EHBP1: variants seen among roughly 807,000 people sequenced by gnomAD.
The protein encoded by EHBP1 is EH domain binding protein 1.
EHBP1 carries 55 observed loss-of-function variants against 144.0 expected under a neutral mutation model. The observed-to-expected ratio is 0.38, with a 90% CI of 0.31 to 0.48. The LOEUF (loss-of-function observed/expected upper bound fraction) is 0.48. Among genes scored for constraint, EHBP1 ranks in the 20% least tolerant of loss-of-function variants. The pLI, the probability that EHBP1 is intolerant of heterozygous loss-of-function variation, is 0.98. For missense variants in EHBP1, 1,200 were observed against 1,364.2 expected, an observed-to-expected ratio of 0.88 and a Z score of 1.90; for synonymous variants, 469 against 472.7, an observed-to-expected ratio of 0.99 and a Z score of 0.10.
chr2:62,815,594 C>G (rs1212968715), intron 5 of EHBP1, among the ~76,000 whole-genome samples: 1 of 152,134 alleles, frequency 6.6e-6, no homozygotes, highest in African/African-American at 2.4e-5. Context: ...TGGAACACCA[C>G]TTTTTACTTG....
At chr2:62,717,780 A>G (rs776219506) in intron 2 of EHBP1, among the ~76,000 whole-genome samples, 4 of 151,868 alleles carry the variant, frequency 2.6e-5, no homozygotes, top group Non-Finnish European at 5.9e-5. Context: ...TAACCTGCCT[A>G]TGTCTGAAAG....
At chr2:62,724,857 G>A (rs2036593469) in intron 2 of EHBP1, among the ~76,000 whole-genome samples, 2 of 152,174 alleles carry the variant, frequency 1.3e-5, no homozygotes, top group South Asian at 2.1e-4. Context: ...AAATGCTATT[G>A]TGTACTGCTC....
At chr2:62,761,567 G>T (rs947609622) in intron 3 of EHBP1, among the ~76,000 whole-genome samples, 1 of 152,110 alleles carries the variant, frequency 6.6e-6, no homozygotes, top group Non-Finnish European at 1.5e-5. Flanking sequence ...CTTACTTTCT[G>T]TGTGATCTTG....
intron 16 of EHBP1, among the ~76,000 whole-genome samples, chr2:62,991,578 T>C (rs979684183): frequency 6.6e-6 from 1 of 152,230 alleles, no homozygotes; most frequent in Admixed American, 6.5e-5. Flanking sequence ...TTAAGATAAC[T>C]TGCATGTGTT....
chr2:62,753,520 C>T (rs1361861630), intron 3 of EHBP1, among the ~76,000 whole-genome samples: 2 of 152,040 alleles, frequency 1.3e-5, no homozygotes, highest in African/African-American at 4.8e-5. Flanking sequence ...GTGGCGTTCT[C>T]TGTATTTCCT....
chr2:62,729,024 TC>T (rs1177402766), intron 2 of EHBP1, among the ~76,000 whole-genome samples: 3 of 151,858 alleles, frequency 2.0e-5, no homozygotes, highest in African/African-American at 7.3e-5. Context: ...GTTATTTTCT[TC>T]CTTTGTTTCT....
At chr2:62,904,759 A>AT (rs2053667486) in intron 10 of EHBP1, among the ~76,000 whole-genome samples, 1 of 152,140 alleles carries the variant, frequency 6.6e-6, no homozygotes, top group Non-Finnish European at 1.5e-5. Context: ...AGCAAAGACT[A>AT]TTACTCTAAC....
chr2:62,951,586 G>A (rs550719179), intron 13 of EHBP1, among the ~76,000 whole-genome samples: 6 of 147,554 alleles, frequency 4.1e-5, no homozygotes, highest in African/African-American at 1.3e-4. Context: ...GTGCAGTGGC[G>A]TGATCTCACC....
chr2:62,951,837 A>T (rs371836067), intron 13 of EHBP1, among the ~76,000 whole-genome samples: 4 of 152,096 alleles, frequency 2.6e-5, no homozygotes, highest in African/African-American at 9.6e-5. Flanking sequence ...ATTTTTCTTG[A>T]AAACCAGATT....
chr2:62,883,918 C>A lies in EHBP1; in HGVS notation c.1185+9386C>A, dbSNP rs184460909. Among the ~76,000 whole-genome samples the A allele has an allele frequency of 2.1e-3, 321 of 152,242 alleles. 1 individual carries two copies. The highest frequency in any genetic ancestry group is 6.8e-3 in the African/African-American group (281 of 41,542). ...CCTGGGAGGTAGAGGCTGAAGTGAG[C>A]CGTGATGCGTCACTGCACTCCAGCC... is the stretch of plus-strand genomic sequence containing the variant. On this transcript the variant is annotated intron_variant, in intron 10 of 22. Transcript: ENST00000431489.
At chr2:62,773,058 C>CTTATT (rs2041787372) in intron 5 of EHBP1, among the ~76,000 whole-genome samples, 1 of 152,142 alleles carries the variant, frequency 6.6e-6, no homozygotes. Context: ...AATACATTAA[C>CTTATT]TCAAGAGAAT....
chr2:62,884,083 T>C (rs2051709093), intron 10 of EHBP1, among the ~76,000 whole-genome samples: 1 of 152,340 alleles, frequency 6.6e-6, no homozygotes. Context: ...GTATAAAAAA[T>C]GTTATTCACA....
At chr2:62,949,310 C>G in intron 13 of EHBP1, 148 bp downstream of exon 13, 1 of 703,378 alleles carries the variant, frequency 1.4e-6, no homozygotes, top group South Asian at 3.0e-5. Flanking sequence ...TAATGTGTGC[C>G]TAAGTCCCCA....
intron 5 of EHBP1, among the ~76,000 whole-genome samples, chr2:62,780,678 C>G (rs2042361190): frequency 6.6e-6 from 1 of 152,112 alleles, no homozygotes; most frequent in African/African-American, 2.4e-5. Context: ...AGCCTGTCAA[C>G]TATACTGTAT....
Position 62,991,662 on chromosome 2 carries a change from G to A in EHBP1, c.2733+822G>A, listed in dbSNP as rs186607571. 1.4e-3 allele frequency among the ~76,000 whole-genome samples: 218 copies of A among 152,276 alleles called. 2 individuals carry two copies. The highest frequency in any genetic ancestry group is 4.9e-3 in the African/African-American group (203 of 41,560). On this transcript the variant is annotated intron_variant, in intron 16 of 22. Coordinates refer to ENST00000431489, the MANE Select transcript of EHBP1 (RefSeq NM_001142616.3). ...CACATTATAAGACTATTATTAGACTGTTTATATTATTCCCACCCACATGTT... is the reference window on the plus strand; with the variant it reads ...CACATTATAAGACTATTATTAGACTATTTATATTATTCCCACCCACATGTT...
chr2:62,824,859 T>A (rs1227818341), intron 5 of EHBP1, among the ~76,000 whole-genome samples: 1 of 151,944 alleles, frequency 6.6e-6, no homozygotes, highest in Non-Finnish European at 1.5e-5. Context: ...TTTAGGCAAA[T>A]TTTTCAAACA....
chr2:62,835,923 C>T (rs1280263671), intron 7 of EHBP1, among the ~76,000 whole-genome samples: 1 of 152,022 alleles, frequency 6.6e-6, no homozygotes, highest in Non-Finnish European at 1.5e-5. Flanking sequence ...GGAGGGGCGC[C>T]CGCCATTGCC....
chr2:62,936,093 A>G (rs1022896783), intron 10 of EHBP1, among the ~76,000 whole-genome samples: 2 of 152,046 alleles, frequency 1.3e-5, no homozygotes, highest in African/African-American at 2.4e-5. Context: ...GCCTTTGCCT[A>G]TTGAGTTTTG....
At chr2:62,853,605 A>G (rs557264223) in intron 7 of EHBP1, among the ~76,000 whole-genome samples, 130 of 152,332 alleles carry the variant, frequency 8.5e-4, no homozygotes, top group Non-Finnish European at 1.2e-3. Flanking sequence ...AAAATTCTTA[A>G]TCGTATCTAG....
Sources: allele counts gnomAD v4.1 joint callset (sites outside exome capture counted in the v4.1 genomes callset), GRCh38; gene constraint gnomAD v4.1.1; transcripts MANE v1.5; gene names NCBI Gene and HGNC (gene_info 2026-07-23, HGNC 2026-07-21).